OIP5: variants seen among roughly 807,000 people sequenced by gnomAD.
OIP5 encodes protein Mis18-beta.
In OIP5, 24 loss-of-function variants were observed where a neutral mutation model predicts 20.3. The observed-to-expected ratio is 1.18, with a 90% confidence interval of 0.86 to 1.66. The LOEUF is 1.66. Among genes scored for constraint, OIP5 ranks in the 40% most tolerant of loss-of-function variants. The pLI, the probability that OIP5 is intolerant of heterozygous loss-of-function variation, is 0.00. For synonymous variants in OIP5, 143 were observed against 121.3 expected (o/e 1.18, Z -1.17); for missense variants, 339 against 289.5 (o/e 1.17, Z -1.24).
chr15:41,310,408 C>T (rs765555300), intron 4 of OIP5, among the ~76,000 whole-genome samples: 2 of 152,102 alleles, frequency 1.3e-5, no homozygotes, highest in Non-Finnish European at 2.9e-5. Context: ...GGGCAGATCA[C>T]GAGGTCAGGA....
chr15:41,321,482 A>G (rs2047827838), intron 2 of OIP5, among the ~76,000 whole-genome samples: 1 of 152,364 alleles, frequency 6.6e-6, no homozygotes, highest in East Asian at 1.9e-4. Flanking sequence ...GGAATAGAAA[A>G]GGGGGAAAGG....
At chr15:41,330,844 G>A (rs1300153747) in intron 2 of OIP5, among the ~76,000 whole-genome samples, 1 of 152,116 alleles carries the variant, frequency 6.6e-6, no homozygotes, top group East Asian at 1.9e-4. Context: ...GTATAGGACA[G>A]CACGGGTCTA....
intron 4 of OIP5, among the ~76,000 whole-genome samples, chr15:41,312,235 C>T (rs2140458024): frequency 6.6e-6 from 1 of 151,578 alleles, no homozygotes; most frequent in Non-Finnish European, 1.5e-5. Context: ...GATCTTGCCT[C>T]ACAACAACCT....
intron 2 of OIP5, among the ~76,000 whole-genome samples, chr15:41,321,299 T>C (rs2047825285): frequency 7.5e-6 from 1 of 132,932 alleles, no homozygotes; most frequent in African/African-American, 2.9e-5. Flanking sequence ...TGGAGGGAGG[T>C]GGGGGGGTCA....
At chr15:41,326,807 C>T (rs2140466187) in intron 2 of OIP5, among the ~76,000 whole-genome samples, 1 of 152,276 alleles carries the variant, frequency 6.6e-6, no homozygotes, top group African/African-American at 2.4e-5. Context: ...CCTTGCTCTG[C>T]CACTAAGGGT....
At chr15:41,312,627 A>ATTTT (rs907153998) in intron 4 of OIP5, among the ~76,000 whole-genome samples, 1 of 127,030 alleles carries the variant, frequency 7.9e-6, no homozygotes, top group Non-Finnish European at 1.6e-5. Flanking sequence ...GACCGGCTAA[A>ATTTT]TTTTTTTTTT....
chr15:41,316,288 G>C (rs1008460194), intron 3 of OIP5, among the ~76,000 whole-genome samples: 33 of 152,052 alleles, frequency 2.2e-4, no homozygotes, highest in African/African-American at 7.0e-4. Flanking sequence ...TTCCAGCCTG[G>C]GTGACAGAGT....
chr15:41,329,313 GTTTTTTTT>G (rs760717935), intron 2 of OIP5, among the ~76,000 whole-genome samples: 1 of 121,284 alleles, frequency 8.2e-6, no homozygotes, highest in Non-Finnish European at 1.7e-5. Context: ...TTTCCCTCTA[GTTTTTTTT>G]TTTTTTTTTT....
chr15:41,324,744 C>G (rs2047851326), intron 2 of OIP5, among the ~76,000 whole-genome samples: 3 of 152,202 alleles, frequency 2.0e-5, no homozygotes, highest in Admixed American at 6.5e-5. Context: ...CCGCCTCAGT[C>G]TCCCAAAAGT....
At chr15:41,330,822 C>T (rs7181982) in intron 2 of OIP5, among the ~76,000 whole-genome samples, 1 of 152,020 alleles carries the variant, frequency 6.6e-6, no homozygotes, top group Non-Finnish European at 1.5e-5. Flanking sequence ...CTACATATGA[C>T]TAGTGATTAC....
chr15:41,318,353 G>C (rs1595500374), intron 3 of OIP5, among the ~76,000 whole-genome samples: 1 of 152,058 alleles, frequency 6.6e-6, no homozygotes, highest in African/African-American at 2.4e-5. Context: ...ATGGAGATGG[G>C]GTTCCACCAT....
At chr15:41,310,315 A>C (rs1209254885) in intron 4 of OIP5, among the ~76,000 whole-genome samples, 3 of 152,214 alleles carry the variant, frequency 2.0e-5, no homozygotes, top group Non-Finnish European at 4.4e-5. Context: ...TTTATACAAC[A>C]ACGTAGCGCA....
At chr15:41,327,048 T>C (rs1263147812) in intron 2 of OIP5, among the ~76,000 whole-genome samples, 1 of 150,884 alleles carries the variant, frequency 6.6e-6, no homozygotes, top group Non-Finnish European at 1.5e-5. Flanking sequence ...ATTTACTGTA[T>C]GTGATTTGTT....
At chr15:41,318,716 C>CTT (rs11287857) in intron 3 of OIP5, among the ~76,000 whole-genome samples, 1 of 143,798 alleles carries the variant, frequency 7.0e-6, no homozygotes, top group Non-Finnish European at 1.5e-5. Context: ...GGTCCCACTG[C>CTT]TTTTTTTTTT....
chr15:41,309,832 C>T lies in OIP5; in HGVS notation c.612G>A (p.Val204=). 1 of 1,612,542 alleles carries T rather than the reference C, an allele frequency of 6.2e-7. No individual in the cohort carries two copies. The highest frequency in any genetic ancestry group is 8.5e-7 in the Non-Finnish European group (1 of 1,178,706). Residue 204 remains valine (V), a synonymous_variant, in exon 5 of 5, where the codon GTG becomes GTA. Coordinates refer to ENST00000220514, the MANE Select transcript of OIP5 (RefSeq NM_007280.2). ...GTGATTTTAAGCGATTGTGCGTTAG[C>T]ACTATCTTCTCTTTCAGCTAGGAAG... ...EKIAELKEKI[V]LTHNRLKSLM... is the part of the protein sequence containing the mutation.
chr15:41,322,237 G>C (rs112545523), intron 2 of OIP5, among the ~76,000 whole-genome samples: 7 of 152,102 alleles, frequency 4.6e-5, no homozygotes, highest in Non-Finnish European at 1.0e-4. Context: ...CCAGGAATTC[G>C]AGAGCAGCCT....
intron 3 of OIP5, among the ~76,000 whole-genome samples, chr15:41,314,072 T>C (rs1339117148): frequency 2.0e-5 from 3 of 152,148 alleles, no homozygotes. Flanking sequence ...GTATGAGACA[T>C]AGTGTTGGTC....
At chr15:41,320,901 T>C (rs1196552186) in intron 2 of OIP5, among the ~76,000 whole-genome samples, 1 of 140,778 alleles carries the variant, frequency 7.1e-6, no homozygotes, top group African/African-American at 2.7e-5. Flanking sequence ...CGGCCTCCCA[T>C]GGTCTGAGAT....
Position 41,319,575 on chromosome 15 carries a change from C to G in OIP5, c.512+83G>C. ...AGCCTACTTTGTCTTTCCTGAAAAA[C>G]CTTTTAAAATTTATTTGATGGACTT... On this transcript the variant is annotated intron_variant, in intron 3 of 4. Coordinates refer to ENST00000220514, the MANE Select transcript of OIP5 (RefSeq NM_007280.2). 5 of 1,439,760 alleles carry G rather than the reference C, an allele frequency of 3.5e-6. No individual in the cohort carries two copies. The South Asian group carries it at 6.6e-5, about 19-fold the overall frequency. 89.2% of individuals were successfully genotyped at this position (1,439,760 alleles called of 1,614,324 possible). A position where few individuals can be genotyped will look rare whatever the true frequency, so the allele number is the denominator to read the frequency against.
Sources: gnomAD v4.1 joint callset for allele counts (sites outside exome capture counted in the v4.1 genomes callset) on GRCh38, gnomAD v4.1.1 for gene constraint, MANE v1.5 for transcripts, NCBI Gene and HGNC (gene_info 2026-07-23, HGNC 2026-07-21) for gene names.